The following OSBP2 variants were observed in gnomAD, a reference collection of about 807,000 sequenced individuals.
OSBP2 encodes oxysterol binding protein 2.
Under a neutral mutation model 96.0 loss-of-function variants are expected in OSBP2, and 66 were observed. The ratio of observed to expected loss-of-function variants is 0.69; its 90% CI spans 0.56 to 0.84. The LOEUF (loss-of-function observed/expected upper bound fraction) is 0.84. OSBP2 is among the 40% of genes least tolerant of loss of function. The probability of loss-of-function intolerance (pLI) is 0.00; values close to 1 mark genes in which losing one functional copy is unlikely to be tolerated. For missense variants in OSBP2, 1,038 were observed against 1,222.7 expected (o/e 0.85, Z 2.25); for synonymous variants, 525 against 520.9 (o/e 1.01, Z -0.11).
intron 2 of OSBP2, among the ~76,000 whole-genome samples, chr22:30,791,990 AAAC>A (rs1368591514): frequency 6.6e-6 from 1 of 152,184 alleles, no homozygotes; most frequent in Non-Finnish European, 1.5e-5. Flanking sequence ...AAACAGGAAA[AAAC>A]AAAGTATTTA....
At chr22:30,902,111 AAAAAAAAAAAAAACGAAAAAAAAAAAACC>A (rs1394305182) in intron 12 of OSBP2, 1 of 85,842 alleles carries the variant, frequency 1.2e-5, no homozygotes, top group Non-Finnish European at 1.9e-5. Context: ...GCAATATAAG[AAAAAAAAAAAAAACGAAAAAAAAAAAACC>A]AAAAAAAAAA....
intron 1 of OSBP2, among the ~76,000 whole-genome samples, chr22:30,717,903 A>G (rs1037748209): frequency 3.3e-5 from 5 of 152,154 alleles, no homozygotes; most frequent in African/African-American, 1.2e-4. Context: ...TCCTCAGCTC[A>G]CCTGTCCTCC....
intron 2 of OSBP2, among the ~76,000 whole-genome samples, chr22:30,850,379 A>G (rs1259919356): frequency 2.0e-5 from 3 of 151,960 alleles, no homozygotes; most frequent in Non-Finnish European, 4.4e-5. Flanking sequence ...GTTCCATTAT[A>G]AGTCCATACT....
rs148875413 is a variant in OSBP2 at position 30,745,786 on chromosome 22, T to A, written c.853+4417T>A. Among the ~76,000 whole-genome samples the A allele has an allele frequency of 1.3e-4, 19 of 151,368 alleles. No homozygotes were observed. The East Asian group carries it at 3.7e-3, about 29-fold the overall frequency. Reference sequence around the variant, plus strand: ...TCTTTGAAAAGACTGACGTAGTTGGTAAACCTTTAGCTAGACTAAGAAAAA... The same window carrying A: ...TCTTTGAAAAGACTGACGTAGTTGGAAAACCTTTAGCTAGACTAAGAAAAA... On this transcript the variant is annotated intron_variant, in intron 2 of 13. Coordinates refer to ENST00000332585, the MANE Select transcript of OSBP2 (RefSeq NM_030758.4).
intron 6 of OSBP2, 50 bp downstream of exon 6, chr22:30,889,284 G>T (rs200770551): frequency 4.5e-5 from 70 of 1,565,282 alleles, no homozygotes; most frequent in Non-Finnish European, 5.8e-5. Flanking sequence ...TCTGGCCTAG[G>T]GGGTGGGAGG....
rs1004179146 is a variant in OSBP2, at chr22:30,697,108, T to A, written c.644+1555T>A. Among the ~76,000 whole-genome samples, 7 of 152,264 alleles carry A rather than the reference T, an allele frequency of 4.6e-5. No individual in the cohort carries two copies. In the East Asian group the frequency reaches 1.4e-3, roughly 29 times the overall value. ...ATGTGTCCTGATACCCACTCACCTT[T>A]GAGTTCAGCATGTCTGTGTTACCTG... On this transcript the variant is annotated intron_variant, in intron 1 of 13. Coordinates refer to ENST00000332585, the MANE Select transcript of OSBP2 (RefSeq NM_030758.4).
At chr22:30,761,254 G>T (rs2090201257) in intron 2 of OSBP2, among the ~76,000 whole-genome samples, 1 of 152,144 alleles carries the variant, frequency 6.6e-6, no homozygotes, top group Non-Finnish European at 1.5e-5. Flanking sequence ...AGTTTAACAA[G>T]GTCACAGAAT....
At chr22:30,808,490 G>A (rs1166752106) in intron 2 of OSBP2, among the ~76,000 whole-genome samples, 1 of 152,234 alleles carries the variant, frequency 6.6e-6, no homozygotes, top group Non-Finnish European at 1.5e-5. Context: ...CTGGGTGATA[G>A]AGTGAGACCC....
At chr22:30,886,151 G>A (rs2039804560) in intron 3 of OSBP2, among the ~76,000 whole-genome samples, 2 of 152,226 alleles carry the variant, frequency 1.3e-5, no homozygotes. Flanking sequence ...CAAGGTGGTT[G>A]GGGCGCAGCT....
At chr22:30,791,451 C>T (rs375581745) in intron 2 of OSBP2, among the ~76,000 whole-genome samples, 3 of 150,956 alleles carry the variant, frequency 2.0e-5, no homozygotes, top group African/African-American at 4.9e-5. Flanking sequence ...CTCAGCTTCC[C>T]GAGTAGCTGG....
intron 2 of OSBP2, among the ~76,000 whole-genome samples, chr22:30,759,680 C>T (rs2090183814): frequency 6.6e-6 from 1 of 152,044 alleles, no homozygotes; most frequent in African/African-American, 2.4e-5. Flanking sequence ...ACTGAATAAT[C>T]CTATAACTAT....
At position 30,876,023 on chromosome 22, in the gene OSBP2, A is replaced by G. The variant is rs1015188031; in HGVS notation, c.1107+5341A>G. ...CACTTTTGAAGGCCAAGTTTAGGGA[A>G]GAGCCCGGGAAGGTTCCCAGTTGGC... is the stretch of plus-strand genomic sequence containing the variant. On this transcript the variant is annotated intron_variant, in intron 3 of 13. Transcript: ENST00000332585. Among the ~76,000 whole-genome samples, 68 of 152,258 alleles carry G rather than the reference A, an allele frequency of 4.5e-4. 2 individuals carry two copies.
chr22:30,831,440 G>C (rs897210937), intron 2 of OSBP2, among the ~76,000 whole-genome samples: 1 of 152,146 alleles, frequency 6.6e-6, no homozygotes, highest in South Asian at 2.1e-4. Context: ...TATGTTGTAC[G>C]TGGCTGGAAC....
intron 2 of OSBP2, among the ~76,000 whole-genome samples, chr22:30,818,216 T>C (rs980128144): frequency 2.0e-5 from 3 of 152,176 alleles, no homozygotes; most frequent in African/African-American, 4.8e-5. Context: ...TGTTTTAACA[T>C]GTCAGTATAT....
At chr22:30,878,957 A>C (rs1375446888) in intron 3 of OSBP2, among the ~76,000 whole-genome samples, 2 of 152,174 alleles carry the variant, frequency 1.3e-5, no homozygotes, top group Non-Finnish European at 2.9e-5. Flanking sequence ...TAGAGTGGGC[A>C]CTGGGGGTAG....
chr22:30,715,054 CTT>C (rs555357856), intron 1 of OSBP2, among the ~76,000 whole-genome samples: 1 of 145,628 alleles, frequency 6.9e-6, no homozygotes, highest in Non-Finnish European at 1.5e-5. Context: ...GAAAATGTTT[CTT>C]TTTTTTTTTT....
intron 2 of OSBP2, among the ~76,000 whole-genome samples, chr22:30,792,123 C>A (rs370641372): frequency 6.6e-5 from 10 of 151,994 alleles, no homozygotes; most frequent in African/African-American, 2.2e-4. Flanking sequence ...ATCAGCCTAG[C>A]CAACATGGTG....
intron 12 of OSBP2, among the ~76,000 whole-genome samples, chr22:30,897,730 A>G (rs1273359392): frequency 1.3e-5 from 2 of 152,140 alleles, no homozygotes; most frequent in Non-Finnish European, 2.9e-5. Flanking sequence ...GGCGGGGATC[A>G]CCTGAGGTCA....
Position 30,870,487 on chromosome 22 carries a change from C to T in OSBP2, c.912C>T (p.His304=), listed in dbSNP as rs2039435597. 1.2e-6 allele frequency: 2 copies of T among 1,614,096 alleles called. No individual in the cohort carries two copies. Among genetic ancestry groups the T allele is most frequent in the African/African-American group, 1.3e-5 (1 of 75,054 alleles). Residue 304 remains histidine, a synonymous_variant, in exon 3 of 14, where the codon CAC becomes CAT. Coordinates refer to ENST00000332585, the MANE Select transcript of OSBP2 (RefSeq NM_030758.4). This position sits in a 1 kb window ranked among gnomAD's most constrained non-coding sequence, Gnocchi z 4.1. ...CAGCCGACAAGAGCGAGCTGCACCACACCCTGAAGAATCTTTCCCTGAAGT... is the reference window on the plus strand; with the variant it reads ...CAGCCGACAAGAGCGAGCTGCACCATACCCTGAAGAATCTTTCCCTGAAGT... The part of the protein sequence containing the change: ...TTPADKSELH[H]TLKNLSLKLD...
Sources: allele counts gnomAD v4.1 joint callset (sites outside exome capture counted in the v4.1 genomes callset), GRCh38; gene constraint gnomAD v4.1.1; non-coding constraint Gnocchi (gnomAD v3.1); transcripts MANE v1.5; gene names NCBI Gene and HGNC (gene_info 2026-07-23, HGNC 2026-07-21).